The following SH3D19 variants were observed in gnomAD, a reference collection of about 807,000 sequenced individuals.
SH3D19 encodes SH3 domain containing 19, also known as SH3 domain-containing protein 19.
In SH3D19, 58 loss-of-function variants were observed where a neutral mutation model predicts 112.1. The ratio of observed to expected loss-of-function variants is 0.52; its 90% CI spans 0.42 to 0.64. The LOEUF (loss-of-function observed/expected upper bound fraction) is 0.64, where lower values mean the gene tolerates loss of function less well. SH3D19 is among the 30% of genes least tolerant of loss of function. The probability of loss-of-function intolerance (pLI) is 0.00; values close to 1 mark genes in which losing one functional copy is unlikely to be tolerated. For synonymous variants in SH3D19, 391 were observed against 448.5 expected (o/e 0.87, Z 1.62); for missense variants, 1,090 against 1,263.4 (o/e 0.86, Z 2.08).
At chr4:151,296,307 T>C (rs961664927) in intron 1 of SH3D19, among the ~76,000 whole-genome samples, 10 of 152,152 alleles carry the variant, frequency 6.6e-5, no homozygotes, top group East Asian at 1.9e-4. Context: ...AACCTACCTA[T>C]GTACATTTTG....
At chr4:151,246,107 TTTTAA>T (rs550152701) in intron 1 of SH3D19, among the ~76,000 whole-genome samples, 143 of 152,276 alleles carry the variant, frequency 9.4e-4, no homozygotes, top group African/African-American at 3.2e-3. Context: ...GTATCTTATT[TTTTAA>T]TTTATGTTTT....
intron 1 of SH3D19, among the ~76,000 whole-genome samples, chr4:151,321,366 A>AACTAACACTAACACAGTGGC (rs1398167732): frequency 1.3e-5 from 2 of 151,538 alleles, no homozygotes; most frequent in African/African-American, 2.4e-5. Context: ...GGCTAGCACT[A>AACTAACACTAACACAGTGGC]ACTAACACTA....
At chr4:151,165,737 A>C (rs758332486) in intron 7 of SH3D19, 41 bp from the exon 8 acceptor site, 2 of 1,533,920 alleles carry the variant, frequency 1.3e-6, no homozygotes, top group Non-Finnish European at 1.8e-6. Flanking sequence ...TTTAGTTAAC[A>C]TGGACTGAAA....
Position 151,325,415 on chromosome 4 carries a change from G to T in SH3D19, c.-63C>A. 2.3e-6 allele frequency: 2 copies of T among 868,200 alleles called. No individual in the cohort carries two copies. Among genetic ancestry groups the T allele is most frequent in the Non-Finnish European group, 3.0e-6 (2 of 669,852 alleles). The allele number at this position is 868,200 out of a possible 1,614,324, so 53.8% of individuals were successfully genotyped here. On this transcript the variant is annotated 5_prime_UTR_variant, in exon 1 of 20. Transcript: ENST00000604030. Reference sequence around the variant, plus strand: ...AGCTGCGGCCCCGGCGCCCCAGAACGCCTGCACCCGGCGCCCCACGCCACC... The same window carrying T: ...AGCTGCGGCCCCGGCGCCCCAGAACTCCTGCACCCGGCGCCCCACGCCACC...
chr4:151,144,514 T>A, intron 11 of SH3D19: 2 of 539,126 alleles, frequency 3.7e-6, no homozygotes, highest in Non-Finnish European at 6.6e-6. Context: ...GAGCTAAACA[T>A]GGCCTAACAT....
intron 1 of SH3D19, among the ~76,000 whole-genome samples, chr4:151,322,555 A>G (rs1730657646): frequency 6.6e-6 from 1 of 151,758 alleles, no homozygotes; most frequent in South Asian, 2.1e-4. Flanking sequence ...ATCATGCTGA[A>G]GATATTTTAT....
At chr4:151,218,527 C>T (rs749738431) in intron 2 of SH3D19, among the ~76,000 whole-genome samples, 58 of 151,996 alleles carry the variant, frequency 3.8e-4, no homozygotes, top group Admixed American at 1.2e-3. Flanking sequence ...ATCCTCCCAC[C>T]GTAGCCTCCC....
intron 11 of SH3D19, chr4:151,144,433 A>G (rs1753567472): frequency 1.3e-5 from 9 of 677,574 alleles, no homozygotes; most frequent in Non-Finnish European, 2.3e-5. Flanking sequence ...GCTCTAGATC[A>G]ATGGAGCCTG....
At chr4:151,285,991 T>C (rs146863944) in intron 1 of SH3D19, among the ~76,000 whole-genome samples, 40 of 148,968 alleles carry the variant, frequency 2.7e-4, no homozygotes, top group Middle Eastern at 3.4e-3. Flanking sequence ...AGCCCAGGAG[T>C]TCGAGACCAG....
chr4:151,234,832 C>T (rs1258939622), intron 1 of SH3D19, among the ~76,000 whole-genome samples: 6 of 144,332 alleles, frequency 4.2e-5, no homozygotes, highest in South Asian at 2.2e-4. Flanking sequence ...ACTGCAGCCT[C>T]GACCTCCTGG....
At chr4:151,303,670 T>C (rs1265930603) in intron 1 of SH3D19, among the ~76,000 whole-genome samples, 1 of 152,198 alleles carries the variant, frequency 6.6e-6, no homozygotes, top group African/African-American at 2.4e-5. Context: ...TCCTCTGAGC[T>C]ACTTTAACAA....
chr4:151,122,511 TCA>T (rs3064664), intron 19 of SH3D19, among the ~76,000 whole-genome samples: 313 of 148,508 alleles, frequency 2.1e-3, no homozygotes, highest in African/African-American at 6.8e-3. Context: ...ATACCAGTTA[TCA>T]CACACACACA....
rs148732454 is a variant in SH3D19, at chr4:151,186,039, CG to C, written c.193+1383del. Among the ~76,000 whole-genome samples, 845 of 152,010 alleles carry C rather than the reference CG, an allele frequency of 5.6e-3. 6 individuals carry two copies. The highest frequency in any genetic ancestry group is 0.02 in the African/African-American group (823 of 41,430). ...TGGGCGACAGTGAGAGACCATGTAT[CG>C]GGGGGGAAAAACAACCAAGTTATGT... On this transcript the variant is annotated intron_variant, in intron 3 of 19. Coordinates refer to ENST00000604030, the MANE Select transcript of SH3D19 (RefSeq NM_001378122.1).
intron 7 of SH3D19, among the ~76,000 whole-genome samples, chr4:151,169,189 A>G (rs566559842): frequency 7.9e-5 from 12 of 152,348 alleles, no homozygotes; most frequent in Admixed American, 3.9e-4. Context: ...AAAGTGTCCT[A>G]GCTTACTCAC....
In SH3D19 at chr4:151,176,661, T is replaced by G; in HGVS notation, c.402A>C (p.Ile134=). ...TAACTTGAACTTGGTTGATTTCTTTTATAACTTGTTCATAAGATGGTGGGA... is the reference window on the plus strand; with the variant it reads ...TAACTTGAACTTGGTTGATTTCTTTGATAACTTGTTCATAAGATGGTGGGA... The part of the protein sequence containing the change: ...AELPPSYEQV[I]KEINQVQVNT... Residue 134 remains isoleucine, a synonymous_variant, in exon 6 of 20, where the codon ATA becomes ATC. Transcript: ENST00000604030. The G allele has an allele frequency of 8.1e-7, 1 of 1,232,144 alleles. No individual in the cohort carries two copies. The highest frequency in any genetic ancestry group is 1.0e-6 in the Non-Finnish European group (1 of 987,910). 76.3% of individuals were successfully genotyped at this position (1,232,144 alleles called of 1,614,324 possible).
intron 1 of SH3D19, among the ~76,000 whole-genome samples, chr4:151,305,550 T>C (rs922950507): frequency 5.9e-5 from 9 of 152,206 alleles, no homozygotes; most frequent in African/African-American, 1.9e-4. Flanking sequence ...ATTAACCATA[T>C]GAACAGATGG....
chr4:151,313,894 G>A (rs1388712684), intron 1 of SH3D19, among the ~76,000 whole-genome samples: 1 of 152,172 alleles, frequency 6.6e-6, no homozygotes, highest in Non-Finnish European at 1.5e-5. Flanking sequence ...CGAGTGTTAT[G>A]TGAACACCTC....
At chr4:151,249,283 G>A (rs1771181374) in intron 1 of SH3D19, among the ~76,000 whole-genome samples, 1 of 151,986 alleles carries the variant, frequency 6.6e-6, no homozygotes. Context: ...ATTTATAATT[G>A]GCTCTTCTAG....
chr4:151,244,914 C>T (rs763492412), intron 1 of SH3D19, among the ~76,000 whole-genome samples: 1 of 151,934 alleles, frequency 6.6e-6, no homozygotes. Flanking sequence ...GAGGCCGAGG[C>T]GGGCAGATCA....
Sources: allele counts gnomAD v4.1 joint callset (sites outside exome capture counted in the v4.1 genomes callset), GRCh38; gene constraint gnomAD v4.1.1; transcripts MANE v1.5; gene names NCBI Gene and HGNC (gene_info 2026-07-23, HGNC 2026-07-21).